The following TMEM255B variants were observed in gnomAD, a reference collection of about 807,000 sequenced individuals.
The protein encoded by TMEM255B is transmembrane protein 255B, also known as family with sequence similarity 70, member B.
In TMEM255B, 35 loss-of-function variants were observed where a neutral mutation model predicts 34.5. The ratio of observed to expected loss-of-function variants is 1.01; its 90% CI spans 0.77 to 1.34. TMEM255B has a LOEUF of 1.34. Ranked by LOEUF, TMEM255B falls within the 40% of genes most tolerant of loss-of-function variation. TMEM255B has a pLI of 0.00. For synonymous variants in TMEM255B, 206 were observed against 201.2 expected, an observed-to-expected ratio of 1.02 and a Z score of -0.20; for missense variants, 432 against 433.2, an observed-to-expected ratio of 1.00 and a Z score of 0.02.
At chr13:113,796,495 C>A (rs951555959) in intron 4 of TMEM255B, among the ~76,000 whole-genome samples, 3 of 147,632 alleles carry the variant, frequency 2.0e-5, no homozygotes, top group African/African-American at 7.5e-5. Context: ...ACACACACTA[C>A]ACACACCACA....
intron 4 of TMEM255B, among the ~76,000 whole-genome samples, chr13:113,798,072 G>A (rs2050972161): frequency 6.6e-6 from 1 of 152,244 alleles, no homozygotes; most frequent in Non-Finnish European, 1.5e-5. Flanking sequence ...TGGCTGAATG[G>A]TTGGATGGAT....
In TMEM255B at chr13:113,815,973, G is replaced by A. The variant is rs1028912298; in HGVS notation, c.*4070G>A. 2.4e-5 allele frequency: 4 copies of A among 163,666 alleles called. No homozygotes were observed. The East Asian group carries it at 7.6e-4, about 31-fold the overall frequency. 10.1% of individuals were successfully genotyped at this position (163,666 alleles called of 1,614,324 possible). A position where few individuals can be genotyped will look rare whatever the true frequency, so the allele number is the denominator to read the frequency against. On this transcript the variant is annotated 3_prime_UTR_variant, in exon 9 of 9. Transcript: ENST00000375353. The stretch of plus-strand genomic sequence containing the variant: ...AGAGAAGGCGTGTCCACAGACAGAA[G>A]CCGACTGGGAAAGGAGGTGCAGTCA...
chr13:113,808,737 C>A (rs549345847), intron 8 of TMEM255B, among the ~76,000 whole-genome samples: 10 of 115,038 alleles, frequency 8.7e-5, no homozygotes, highest in Non-Finnish European at 1.2e-4. Context: ...GGGTTTACTC[C>A]GTGGTTCTTT....
At chr13:113,760,939 G>A (rs1046626643) in intron 1 of TMEM255B, among the ~76,000 whole-genome samples, 1 of 151,550 alleles carries the variant, frequency 6.6e-6, no homozygotes, top group Admixed American at 6.6e-5. Context: ...TGTGTCTGGA[G>A]GTAGATTGTG....
intron 4 of TMEM255B, 46 bp downstream of exon 4, chr13:113,795,283 A>C: frequency 6.3e-7 from 1 of 1,576,752 alleles, no homozygotes; most frequent in Non-Finnish European, 8.7e-7. Flanking sequence ...CGGGGCTGAA[A>C]GAGTCGACGT....
rs368469466 is a variant in TMEM255B at position 113,806,052 on chromosome 13, T to C, written c.813+1024T>C. ...TTGAAGTCACACATGACACAGGTCT[T>C]CAGATATTCCACAAGAGGACCCTCT... is the stretch of plus-strand genomic sequence containing the variant. On this transcript the variant is annotated intron_variant, in intron 8 of 8. Transcript: ENST00000375353. The surrounding 1 kb of genome is among the most constrained non-coding windows in gnomAD (Gnocchi z 4.2). Among the ~76,000 whole-genome samples the C allele has an allele frequency of 2.0e-5, 3 of 152,104 alleles. No homozygotes were observed. The highest frequency in any genetic ancestry group is 4.1e-4 in the South Asian group (2 of 4,824).
chr13:113,774,756 C>T (rs1043013642), intron 3 of TMEM255B, among the ~76,000 whole-genome samples: 4 of 56,050 alleles, frequency 7.1e-5, no homozygotes, highest in Non-Finnish European at 2.0e-4. Flanking sequence ...ACTACACACA[C>T]CACACACCAC....
chr13:113,784,283 A>G (rs2050707806), intron 3 of TMEM255B, among the ~76,000 whole-genome samples: 1 of 152,134 alleles, frequency 6.6e-6, no homozygotes, highest in Non-Finnish European at 1.5e-5. Flanking sequence ...TCCTGTTTAT[A>G]AAGAGGACAA....
At chr13:113,794,321 G>A (rs2050882899) in intron 3 of TMEM255B, among the ~76,000 whole-genome samples, 1 of 152,130 alleles carries the variant, frequency 6.6e-6, no homozygotes, top group South Asian at 2.1e-4. Context: ...AACAGACTCA[G>A]GCTTCCCCTG....
At chr13:113,776,940 G>A (rs1489639106) in intron 3 of TMEM255B, among the ~76,000 whole-genome samples, 1 of 152,156 alleles carries the variant, frequency 6.6e-6, no homozygotes, top group Non-Finnish European at 1.5e-5. Flanking sequence ...TGGTTACGAG[G>A]TAGAGCTTCG....
At chr13:113,807,877 G>A (rs1037094192) in intron 8 of TMEM255B, among the ~76,000 whole-genome samples, 3 of 151,944 alleles carry the variant, frequency 2.0e-5, no homozygotes, top group Non-Finnish European at 4.4e-5. Flanking sequence ...GGGGGGCACA[G>A]GGGCAGATCC....
chr13:113,761,863 G>T (rs986756453), intron 1 of TMEM255B, among the ~76,000 whole-genome samples: 5 of 152,102 alleles, frequency 3.3e-5, no homozygotes, highest in Non-Finnish European at 7.4e-5. Context: ...CCCGGGAACC[G>T]GCGACAAACA....
chr13:113,800,458 T>C (rs2051032029), intron 5 of TMEM255B, among the ~76,000 whole-genome samples: 1 of 152,030 alleles, frequency 6.6e-6, no homozygotes, highest in South Asian at 2.1e-4. Flanking sequence ...CGGGGCCTGT[T>C]CTGCCGCCCT....
intron 2 of TMEM255B, chr13:113,768,203 C>T (rs1199363634): frequency 2.1e-6 from 1 of 470,662 alleles, no homozygotes; most frequent in Admixed American, 2.3e-5. Flanking sequence ...GGAGCAAGAG[C>T]CGTCTTAGGC....
intron 2 of TMEM255B, chr13:113,768,106 C>T (rs768218675): frequency 4.6e-6 from 2 of 437,558 alleles, no homozygotes; most frequent in South Asian, 1.6e-5. Flanking sequence ...ACACCACGGC[C>T]CCAGCAACTC....
rs202196273 is a variant in TMEM255B, at chr13:113,801,811, T to C, written c.668T>C (p.Met223Thr). The change falls in exon 7 of 9, where the codon ATG becomes ACG. Residue 223 changes from methionine (M) to threonine (T), a missense_variant and splice_region_variant. By Grantham distance (81) the Met-to-Thr change is moderately conservative. Coordinates refer to ENST00000375353, the MANE Select transcript of TMEM255B (RefSeq NM_182614.4). ...TAAVLGAFKDMVPLSQLAYGP... is the reference protein window; with the variant it reads ...TAAVLGAFKDTVPLSQLAYGP... The stretch of plus-strand genomic sequence containing the variant: ...GCCGTCCTGGGGGCCTTCAAGGACA[T>C]GGTGAGGCCCCTTGGTGGGACCCCC... 173 of 1,602,036 alleles carry C rather than the reference T, an allele frequency of 1.1e-4. No individual in the cohort carries two copies. The highest frequency in any genetic ancestry group is 1.4e-4 in the Non-Finnish European group (163 of 1,174,172).
Position 113,800,927 on chromosome 13 carries a change from G to T in TMEM255B, c.509+15G>T. The T allele has an allele frequency of 1.7e-6, 2 of 1,195,952 alleles. No homozygotes were observed. Among genetic ancestry groups the T allele is most frequent in the Non-Finnish European group, 2.3e-6 (2 of 880,708 alleles). The allele number at this position is 1,195,952 out of a possible 1,614,324, so 74.1% of individuals were successfully genotyped here. On this transcript the variant is annotated intron_variant, in intron 6 of 8. Transcript: ENST00000375353. Reference sequence around the variant, plus strand: ...GCCTGCGGGAGGTGAGGGGCACCGGGGACCCCCATATCTACACCTGCGGGA... The same window carrying T: ...GCCTGCGGGAGGTGAGGGGCACCGGTGACCCCCATATCTACACCTGCGGGA...
At chr13:113,779,629 G>T (rs147631397) in intron 3 of TMEM255B, among the ~76,000 whole-genome samples, 1 of 152,158 alleles carries the variant, frequency 6.6e-6, no homozygotes, top group African/African-American at 2.4e-5. Flanking sequence ...CTCTCTGTTT[G>T]GGGGCGTAGA....
At chr13:113,764,504 C>T (rs1344868361) in intron 1 of TMEM255B, among the ~76,000 whole-genome samples, 1 of 152,186 alleles carries the variant, frequency 6.6e-6, no homozygotes, top group Non-Finnish European at 1.5e-5. Context: ...TGGTGCTGGG[C>T]TGAGGGGTGC....
Sources: allele counts gnomAD v4.1 joint callset (sites outside exome capture counted in the v4.1 genomes callset), GRCh38; gene constraint gnomAD v4.1.1; non-coding constraint Gnocchi (gnomAD v3.1); transcripts MANE v1.5; gene names NCBI Gene and HGNC (gene_info 2026-07-23, HGNC 2026-07-21).